POLR2B: variants seen among roughly 807,000 people sequenced by gnomAD.
The protein encoded by POLR2B is DNA-directed RNA polymerase II subunit RPB2.
Under a neutral mutation model 144.6 loss-of-function variants are expected in POLR2B, and 57 were observed. The observed-to-expected ratio is 0.39, with a 90% CI of 0.32 to 0.49. POLR2B has a LOEUF of 0.49. POLR2B is among the 20% of genes least tolerant of loss of function. The pLI is 0.83. For missense variants in POLR2B, 595 were observed against 1,467.4 expected, an observed-to-expected ratio of 0.41 and a Z score of 9.71; for synonymous variants, 442 against 469.8, an observed-to-expected ratio of 0.94 and a Z score of 0.77.
At position 57,025,430 on chromosome 4, in the gene POLR2B, C is replaced by A. The variant is rs201943460; in HGVS notation, c.3132C>A (p.Gly1044=). The change falls in exon 23 of 25, where the codon GGC becomes GGA. Residue 1044 remains glycine, a synonymous_variant. Coordinates refer to ENST00000314595, the MANE Select transcript of POLR2B (RefSeq NM_000938.3). The part of the protein sequence containing the change: ...GRKITSQIFI[G]PTYYQRLKHM... ...AAATCACATCACAAATATTTATTGGCCCCACTTATTACCAGCGTTTGAAGC... is the reference window on the plus strand; with the variant it reads ...AAATCACATCACAAATATTTATTGGACCCACTTATTACCAGCGTTTGAAGC... 85 of 1,612,006 alleles carry A rather than the reference C, an allele frequency of 5.3e-5. No individual in the cohort carries two copies. The highest frequency in any genetic ancestry group is 6.9e-5 in the Non-Finnish European group (81 of 1,178,100).
rs1157091291 is a variant in POLR2B, at chr4:57,023,160, G to A, written c.2516-170G>A. The A allele has an allele frequency of 1.7e-6, 1 of 572,592 alleles. No individual in the cohort carries two copies. Among genetic ancestry groups the A allele is most frequent in the Non-Finnish European group, 3.0e-6 (1 of 335,976 alleles). The allele number at this position is 572,592 out of a possible 1,614,324, so 35.5% of individuals were successfully genotyped here. A position where few individuals can be genotyped will look rare whatever the true frequency, so the allele number is the denominator to read the frequency against. On this transcript the variant is annotated intron_variant, in intron 18 of 24. Transcript: ENST00000314595. The surrounding 1 kb of genome is among the most constrained non-coding windows in gnomAD (Gnocchi z 4.3). Reference sequence around the variant, plus strand: ...TCATAGACTTTTTTTTTTGTTTTCTGTGTGGGCTGTAGTATTAGAGTTCAG... The same window carrying A: ...TCATAGACTTTTTTTTTTGTTTTCTATGTGGGCTGTAGTATTAGAGTTCAG...
chr4:57,005,391 C>A lies in POLR2B; in HGVS notation c.1046C>A (p.Pro349His), dbSNP rs1264993939. 6.2e-7 allele frequency: 1 copy of A among 1,604,162 alleles called. No individual in the cohort carries two copies. The highest frequency in any genetic ancestry group is 1.1e-5 in the South Asian group (1 of 88,076). Residue 349 changes from proline to histidine, a missense_variant, in exon 8 of 25, where the codon CCT becomes CAT. By Grantham distance (77) the Pro-to-His change is moderately conservative (BLOSUM62 -2). This residue lies in a region of POLR2B where 251 missense variants were observed against 567.3 expected (regional missense o/e 0.44). Transcript: ENST00000314595. ...AKEVLQKEML[P>H]HVGVSDFCET... ...GAAGTTTTACAAAAAGAAATGCTCC[C>A]TCATGTTGGTGTCAGTGATTTTTGT...
intron 23 of POLR2B, among the ~76,000 whole-genome samples, chr4:57,025,975 G>T (rs866129350): frequency 5.9e-5 from 9 of 151,562 alleles, no homozygotes; most frequent in African/African-American, 1.7e-4. Flanking sequence ...AATGGCTCAT[G>T]TCTGCAATCC....
At chr4:56,987,517 C>T (rs989766021) in intron 2 of POLR2B, among the ~76,000 whole-genome samples, 5 of 152,302 alleles carry the variant, frequency 3.3e-5, no homozygotes, top group Non-Finnish European at 4.4e-5. Context: ...TCAACATTCT[C>T]TCTTTTCAAA....
At position 57,023,275 on chromosome 4, in the gene POLR2B, T is replaced by C; in HGVS notation, c.2516-55T>C. On this transcript the variant is annotated intron_variant, in intron 18 of 24. Transcript: ENST00000314595. This position sits in a 1 kb window ranked among gnomAD's most constrained non-coding sequence, Gnocchi z 4.3. ...CTGACTTGGAACTGATTCATGTATG[T>C]GGTTTTTAATCTTTGTTGGGGATTA... 2 of 1,585,094 alleles carry C rather than the reference T, an allele frequency of 1.3e-6. No homozygotes were observed. The highest frequency in any genetic ancestry group is 1.7e-6 in the Non-Finnish European group (2 of 1,158,682).
At chr4:57,000,690 A>C (rs1480651234) in intron 7 of POLR2B, among the ~76,000 whole-genome samples, 2 of 151,090 alleles carry the variant, frequency 1.3e-5, no homozygotes, top group East Asian at 3.9e-4. Context: ...TTACTTAGAT[A>C]CAATACTGTT....
chr4:57,019,175 G>A (rs145836185), intron 16 of POLR2B, among the ~76,000 whole-genome samples: 2 of 152,264 alleles, frequency 1.3e-5, no homozygotes, highest in Non-Finnish European at 2.9e-5. Flanking sequence ...GTATCTTTGG[G>A]CTGTGCTTGC....
Position 56,994,934 on chromosome 4 carries a change from AAAAAAAAAAAAAGAAAG to A in POLR2B, c.576+72_576+88del. On this transcript the variant is annotated intron_variant, in intron 5 of 24. Transcript: ENST00000314595. ...AATTTAGTTTAAAGTTGAAATGAAA[AAAAAAAAAAAAAGAAAG>A]AAAGATTTTCCTGCAGGATAACCTG... 1.1e-5 allele frequency: 5 copies of A among 437,864 alleles called. No individual in the cohort carries two copies. In the South Asian group the frequency reaches 1.9e-4, roughly 16 times the overall value. 27.1% of individuals were successfully genotyped at this position (437,864 alleles called of 1,614,324 possible).
intron 13 of POLR2B, among the ~76,000 whole-genome samples, chr4:57,012,199 G>A (rs1723208210): frequency 6.6e-6 from 1 of 152,050 alleles, no homozygotes; most frequent in Non-Finnish European, 1.5e-5. Context: ...GAGGTCAGGA[G>A]TTTGAGACCA....
Position 57,010,520 on chromosome 4 carries a change from T to C in POLR2B, c.1548+16T>C. The C allele has an allele frequency of 6.2e-7, 1 of 1,602,296 alleles. No individual in the cohort carries two copies. Among genetic ancestry groups the C allele is most frequent in the African/African-American group, 1.3e-5 (1 of 74,510 alleles). On this transcript the variant is annotated intron_variant, in intron 11 of 24. Coordinates refer to ENST00000314595, the MANE Select transcript of POLR2B (RefSeq NM_000938.3). The stretch of plus-strand genomic sequence containing the variant: ...GACCCCAGAGGTAATACATTAGAAT[T>C]TACATTCAGGACAAAAAGTCAGTGG...
intron 2 of POLR2B, among the ~76,000 whole-genome samples, chr4:56,989,418 A>G (rs1262405540): frequency 6.6e-6 from 1 of 152,206 alleles, no homozygotes. Context: ...TTTAGGTCAT[A>G]CCTTACACAT....
chr4:56,994,259 A>C (rs1367865959), intron 3 of POLR2B, 145 bp from the exon 4 acceptor site: 1 of 585,854 alleles, frequency 1.7e-6, no homozygotes, highest in Non-Finnish European at 3.1e-6. Flanking sequence ...GACTTTGGGA[A>C]GTCCCCATTT....
At chr4:57,028,855 T>G (rs1723807147) in intron 23 of POLR2B, among the ~76,000 whole-genome samples, 1 of 152,216 alleles carries the variant, frequency 6.6e-6, no homozygotes, top group African/African-American at 2.4e-5. Context: ...ATCACATAAG[T>G]TTTTTAAAGG....
chr4:56,985,850 G>A (rs1315255396), intron 1 of POLR2B, among the ~76,000 whole-genome samples: 3 of 152,202 alleles, frequency 2.0e-5, no homozygotes, highest in Admixed American at 2.0e-4. Context: ...CCCGATTCAA[G>A]GAGAGGGTGC....
intron 7 of POLR2B, among the ~76,000 whole-genome samples, chr4:57,000,774 C>T (rs563444681): frequency 1.3e-5 from 2 of 151,332 alleles, no homozygotes; most frequent in South Asian, 4.2e-4. Flanking sequence ...CGGCTCACCA[C>T]AACCTCCGTC....
Position 57,017,457 on chromosome 4 carries a change from A to C in POLR2B, c.2155-103A>C. 9.7e-7 allele frequency: 1 copy of C among 1,036,146 alleles called. No homozygotes were observed. Among genetic ancestry groups the C allele is most frequent in the Non-Finnish European group, 1.4e-6 (1 of 716,154 alleles). The allele number at this position is 1,036,146 out of a possible 1,614,324, so 64.2% of individuals were successfully genotyped here. ...TTATTACTTACTGTTTTTGAAAAAA[A>C]TCAGGAGTTTTACCAATCATATTTC... On this transcript the variant is annotated intron_variant, in intron 15 of 24. Transcript: ENST00000314595. This position sits in a 1 kb window ranked among gnomAD's most constrained non-coding sequence, Gnocchi z 4.8.
In POLR2B at chr4:57,023,591, C is replaced by T; in HGVS notation, c.2766+11C>T. ...TTTTGTAAAATAAGGGTGAGTACAACTTTGTTCATGTAGCTAGTTTTAGAA... is the reference window on the plus strand; with the variant it reads ...TTTTGTAAAATAAGGGTGAGTACAATTTTGTTCATGTAGCTAGTTTTAGAA... On this transcript the variant is annotated intron_variant, in intron 19 of 24. Coordinates refer to ENST00000314595, the MANE Select transcript of POLR2B (RefSeq NM_000938.3). The surrounding 1 kb of genome is among the most constrained non-coding windows in gnomAD (Gnocchi z 4.3). The T allele has an allele frequency of 1.2e-6, 2 of 1,613,036 alleles. 1 individual carries two copies. The highest frequency in any genetic ancestry group is 2.2e-5 in the South Asian group (2 of 91,032).
rs373801172 is a variant in POLR2B at position 57,021,030 on chromosome 4, C to G, written c.2420+35C>G. The G allele has an allele frequency of 3.7e-5, 40 of 1,075,334 alleles. No homozygotes were observed. The Middle Eastern group carries it at 7.9e-4, about 21-fold the overall frequency. 66.6% of individuals were successfully genotyped at this position (1,075,334 alleles called of 1,614,324 possible). On this transcript the variant is annotated intron_variant, in intron 17 of 24. Coordinates refer to ENST00000314595, the MANE Select transcript of POLR2B (RefSeq NM_000938.3). ...TTGTAAATTTGTCAAAACACAGATA[C>G]AGTGGAAACACTAATTTTTTATGCA...
chr4:57,023,991 AT>A lies in POLR2B; in HGVS notation c.2857-9del. 6.8e-7 allele frequency: 1 copy of A among 1,480,144 alleles called. No homozygotes were observed. The highest frequency in any genetic ancestry group is 9.2e-7 in the Non-Finnish European group (1 of 1,087,196). 91.7% of individuals were successfully genotyped at this position (1,480,144 alleles called of 1,614,324 possible). ...TATGTATCTTTGAGTCCCTTTTAAAATTTTTCTTTGTAGGATATGCCTTTCA... is the reference window on the plus strand; with the variant it reads ...TATGTATCTTTGAGTCCCTTTTAAAATTTTCTTTGTAGGATATGCCTTTCA... On this transcript the variant is annotated splice_polypyrimidine_tract_variant and intron_variant, in intron 20 of 24. Transcript: ENST00000314595. The surrounding 1 kb of genome is among the most constrained non-coding windows in gnomAD (Gnocchi z 4.3).
Sources: gnomAD v4.1 joint callset for allele counts (sites outside exome capture counted in the v4.1 genomes callset) on GRCh38, gnomAD v4.1.1 for gene constraint, gnomAD v4.1.1 regional missense constraint, Gnocchi (gnomAD v3.1) non-coding constraint, MANE v1.5 for transcripts, NCBI Gene and HGNC (gene_info 2026-07-23, HGNC 2026-07-21) for gene names.